The following LRP1B variants were observed in gnomAD, a reference collection of about 807,000 sequenced individuals.
LRP1B encodes LDL receptor related protein 1B.
Under a neutral mutation model 556.6 loss-of-function variants are expected in LRP1B, and 217 were observed. That is an observed-to-expected ratio of 0.39 (90% CI 0.35 to 0.44). LRP1B has a LOEUF of 0.44. Ranked by LOEUF, LRP1B falls within the 20% of genes least tolerant of loss-of-function variation. The pLI is 1.00. For synonymous variants in LRP1B, 2,047 were observed against 1,865.8 expected (o/e 1.10, Z -2.50); for missense variants, 5,053 against 5,620.8 (o/e 0.90, Z 3.23).
At chr2:141,580,864 G>C (rs78823316) in intron 2 of LRP1B, among the ~76,000 whole-genome samples, 69 of 152,300 alleles carry the variant, frequency 4.5e-4, no homozygotes, top group African/African-American at 1.6e-3. Context: ...TTATCCAAAT[G>C]GGAGAAGGCA....
At chr2:141,844,462 C>T (rs867170460) in intron 1 of LRP1B, among the ~76,000 whole-genome samples, 12 of 152,032 alleles carry the variant, frequency 7.9e-5, no homozygotes, top group African/African-American at 2.9e-4. Context: ...CTTTGTTAAC[C>T]TATGATGCTA....
chr2:141,719,631 A>G (rs928379199), intron 2 of LRP1B, among the ~76,000 whole-genome samples: 17 of 152,114 alleles, frequency 1.1e-4, no homozygotes, highest in African/African-American at 4.1e-4. Context: ...GAATGTATCC[A>G]CCAACAATGC....
Position 140,321,972 on chromosome 2 carries a change from T to C in LRP1B, c.12631A>G (p.Ser4211Gly), listed in dbSNP as rs2105053163. ...AATAAAGTATACCCACCTAACAGGCTGTCATCATTGCAGGTGCCATTAATC... is the reference window on the plus strand; with the variant it reads ...AATAAAGTATACCCACCTAACAGGCCGTCATCATTGCAGGTGCCATTAATC... ...YLINGTCNDD[S>G]LLDDSCKLTC... The change falls in exon 82 of 91, where the codon AGC becomes GGC. Residue 4211 changes from serine to glycine, a missense_variant. By Grantham distance (56) the Ser-to-Gly change is moderately conservative. Around this residue, in one of 5 missense-constraint regions of LRP1B, gnomAD observed 551 missense variants for 592.0 expected, o/e 0.93. Coordinates refer to ENST00000389484, the MANE Select transcript of LRP1B (RefSeq NM_018557.3). 6.2e-7 allele frequency: 1 copy of C among 1,612,798 alleles called. No homozygotes were observed. Among genetic ancestry groups the C allele is most frequent in the Non-Finnish European group, 8.5e-7 (1 of 1,179,212 alleles).
At chr2:141,799,798 AAG>A (rs999368752) in intron 2 of LRP1B, among the ~76,000 whole-genome samples, 1 of 106,732 alleles carries the variant, frequency 9.4e-6, no homozygotes, top group African/African-American at 3.7e-5. Context: ...TCTGTTTTTA[AAG>A]AGTGTGTCTG....
At chr2:140,687,699 G>A (rs1430564676) in intron 41 of LRP1B, among the ~76,000 whole-genome samples, 1 of 151,704 alleles carries the variant, frequency 6.6e-6, no homozygotes, top group Admixed American at 6.6e-5. Flanking sequence ...CTTTATTTCT[G>A]GTAAAGCTTG....
intron 6 of LRP1B, among the ~76,000 whole-genome samples, chr2:141,214,457 C>T (rs1311405836): frequency 6.6e-6 from 1 of 152,106 alleles, no homozygotes; most frequent in Admixed American, 6.5e-5. Context: ...TCTCCTAATG[C>T]ACACATCATT....
At chr2:141,144,105 G>T (rs1235397741) in intron 7 of LRP1B, among the ~76,000 whole-genome samples, 2 of 152,072 alleles carry the variant, frequency 1.3e-5, no homozygotes, top group African/African-American at 4.8e-5. Context: ...AAGATATTCA[G>T]ATCCAGCTAA....
intron 84 of LRP1B, among the ~76,000 whole-genome samples, chr2:140,297,444 G>A (rs974907201): frequency 6.6e-6 from 1 of 152,048 alleles, no homozygotes; most frequent in African/African-American, 2.4e-5. Flanking sequence ...ATATAATTAT[G>A]AGTTTTTCTT....
chr2:141,395,386 G>T lies in LRP1B; in HGVS notation c.343+85010C>A, dbSNP rs563077203. Among the ~76,000 whole-genome samples the T allele has an allele frequency of 4.5e-4, 69 of 151,864 alleles. 1 individual carries two copies. Among genetic ancestry groups the T allele is most frequent in the Middle Eastern group, 3.4e-3 (1 of 292 alleles). On this transcript the variant is annotated intron_variant, in intron 3 of 90. Coordinates refer to ENST00000389484, the MANE Select transcript of LRP1B (RefSeq NM_018557.3). ...AAGTTCTTATTATTTTGTTACATTT[G>T]CTTACAGCATTTGGTAAAGTAATAT...
chr2:140,976,562 C>A (rs1289054492), intron 18 of LRP1B, among the ~76,000 whole-genome samples: 1 of 128,310 alleles, frequency 7.8e-6, no homozygotes, highest in Non-Finnish European at 1.5e-5. Flanking sequence ...GGCTGGAGTG[C>A]AGTGGCGCGA....
intron 3 of LRP1B, among the ~76,000 whole-genome samples, chr2:141,293,108 G>T (rs979726): frequency 6.6e-6 from 1 of 151,922 alleles, no homozygotes; most frequent in Non-Finnish European, 1.5e-5. Flanking sequence ...CTCTAATTTC[G>T]AATGTAGAAT....
At position 140,526,059 on chromosome 2, in the gene LRP1B, G is replaced by T. The variant is rs921788000; in HGVS notation, c.7877-66C>A. ...TCAAAGATTATGAGCCTTCTATGTA[G>T]GTCATAGAGATGAGAAAAGTTAACT... On this transcript the variant is annotated intron_variant, in intron 48 of 90. Coordinates refer to ENST00000389484, the MANE Select transcript of LRP1B (RefSeq NM_018557.3). The T allele has an allele frequency of 3.3e-6, 5 of 1,514,348 alleles. No individual in the cohort carries two copies. The African/African-American group carries it at 6.9e-5, about 21-fold the overall frequency. 93.8% of individuals were successfully genotyped at this position (1,514,348 alleles called of 1,614,324 possible).
chr2:140,291,095 T>C (rs1166334879), intron 84 of LRP1B, among the ~76,000 whole-genome samples: 1 of 151,474 alleles, frequency 6.6e-6, no homozygotes, highest in Admixed American at 6.6e-5. Flanking sequence ...GATGAAAATA[T>C]TACACATGTT....
chr2:141,915,150 C>T (rs991251054), intron 1 of LRP1B, among the ~76,000 whole-genome samples: 1 of 152,074 alleles, frequency 6.6e-6, no homozygotes, highest in Non-Finnish European at 1.5e-5. Flanking sequence ...CAAAAACAGA[C>T]ACTTAGACCA....
intron 15 of LRP1B, 45 bp downstream of exon 15, chr2:141,005,290 G>C (rs1697539259): frequency 6.3e-7 from 1 of 1,594,812 alleles, no homozygotes; most frequent in Non-Finnish European, 8.6e-7. Flanking sequence ...CTAGTCTTCA[G>C]AAAGAGCCCG....
intron 2 of LRP1B, among the ~76,000 whole-genome samples, chr2:141,741,767 C>T (rs534935304): frequency 7.0e-4 from 107 of 152,190 alleles, no homozygotes; most frequent in African/African-American, 2.5e-3. Flanking sequence ...TTAATTATTT[C>T]CTTTGCTCTG....
At chr2:141,126,562 C>T (rs1212456969) in intron 7 of LRP1B, among the ~76,000 whole-genome samples, 2 of 151,910 alleles carry the variant, frequency 1.3e-5, no homozygotes, top group African/African-American at 4.8e-5. Context: ...TTTTTTCTTC[C>T]TTACTCAGTC....
intron 40 of LRP1B, among the ~76,000 whole-genome samples, chr2:140,701,499 T>C (rs761841224): frequency 2.0e-5 from 3 of 152,124 alleles, no homozygotes; most frequent in Non-Finnish European, 2.9e-5. Context: ...GTATGTAACA[T>C]GTCCATGTAC....
chr2:141,616,303 A>AG lies in LRP1B; in HGVS notation c.206-135771_206-135770insC, dbSNP rs1460455128. Among the ~76,000 whole-genome samples, 6 of 150,876 alleles carry AG rather than the reference A, an allele frequency of 4.0e-5. No homozygotes were observed. In the East Asian group the frequency reaches 9.7e-4, roughly 24 times the overall value. The stretch of plus-strand genomic sequence containing the variant: ...CTCAAGAAAATAAAAAAAAAAAAAG[A>AG]AAAAAAAGCTATATAAAATGACATA... On this transcript the variant is annotated intron_variant, in intron 2 of 90. Transcript: ENST00000389484.
Sources: gnomAD v4.1 joint callset for allele counts (sites outside exome capture counted in the v4.1 genomes callset) on GRCh38, gnomAD v4.1.1 for gene constraint, gnomAD v4.1.1 regional missense constraint, MANE v1.5 for transcripts, NCBI Gene and HGNC (gene_info 2026-07-23, HGNC 2026-07-21) for gene names.